The following LMO1 variants were observed in gnomAD, a reference collection of about 807,000 sequenced individuals.
LMO1 encodes the protein LIM domain only 1, also known as rhombotin-1.
LMO1 carries 10 observed loss-of-function variants against 18.0 expected under a neutral mutation model. The ratio of observed to expected loss-of-function variants is 0.55; its 90% CI spans 0.34 to 0.94. LMO1 has a LOEUF of 0.94. Ranked by LOEUF, LMO1 falls within the 40% of genes least tolerant of loss-of-function variation. The pLI is 0.02. For synonymous variants in LMO1, 77 were observed against 77.9 expected, an observed-to-expected ratio of 0.99 and a Z score of 0.06; for missense variants, 183 against 205.7, an observed-to-expected ratio of 0.89 and a Z score of 0.68.
chr11:8,258,437 G>A (rs7951970), intron 1 of LMO1, among the ~76,000 whole-genome samples: 7,270 of 152,232 alleles, frequency 0.048, 564 homozygotes, highest in African/African-American at 0.16. Context: ...AGCCCAGCCC[G>A]TCTAGCCATG....
Position 8,255,385 on chromosome 11 carries a change from T to C in LMO1, c.25+7953A>G, listed in dbSNP as rs749823150. On this transcript the variant is annotated intron_variant, in intron 1 of 3. Coordinates refer to ENST00000335790, the MANE Select transcript of LMO1 (RefSeq NM_002315.3). ...AGCTAGGCATGGTGATATGGACCTA[T>C]AGTCTCAGCTTGGGAGACTGAAGAG... Among the ~76,000 whole-genome samples, 125 of 152,318 alleles carry C rather than the reference T, an allele frequency of 8.2e-4. 2 individuals carry two copies. The highest frequency in any genetic ancestry group is 3.4e-3 in the Middle Eastern group (1 of 294).
intron 1 of LMO1, among the ~76,000 whole-genome samples, chr11:8,240,637 G>A (rs1023011104): frequency 5.3e-5 from 8 of 151,916 alleles, no homozygotes; most frequent in Admixed American, 1.3e-4. Context: ...GCATCCTCAC[G>A]TGGCAGAAGG....
chr11:8,232,886 A>G (rs204928), intron 1 of LMO1, among the ~76,000 whole-genome samples: 74,264 of 152,100 alleles, frequency 0.49, 18,381 homozygotes, highest in South Asian at 0.7. Flanking sequence ...GCTCTTGGAC[A>G]GGCTGGTCTT....
At chr11:8,230,833 A>T (rs1311562768) in intron 1 of LMO1, among the ~76,000 whole-genome samples, 1 of 152,188 alleles carries the variant, frequency 6.6e-6, no homozygotes, top group East Asian at 1.9e-4. Context: ...TCTCATCCGG[A>T]GTAAGCCTGA....
intron 1 of LMO1, among the ~76,000 whole-genome samples, chr11:8,231,284 C>G (rs1952653231): frequency 6.6e-6 from 1 of 152,202 alleles, no homozygotes; most frequent in African/African-American, 2.4e-5. Flanking sequence ...ACACAGGCAC[C>G]AAGTACAAAG....
At chr11:8,230,645 T>C in intron 1 of LMO1, 141 bp from the exon 2 acceptor site, 1 of 811,834 alleles carries the variant, frequency 1.2e-6, no homozygotes, top group Non-Finnish European at 2.0e-6. Flanking sequence ...CCTCGCTTTC[T>C]CCCCAATAAC....
intron 2 of LMO1, among the ~76,000 whole-genome samples, chr11:8,228,933 G>C (rs1952600312): frequency 6.6e-6 from 1 of 152,148 alleles, no homozygotes; most frequent in Non-Finnish European, 1.5e-5. Flanking sequence ...TGGCACCCAA[G>C]CTGGAGTACA....
chr11:8,245,854 T>C (rs1214013892), intron 1 of LMO1, among the ~76,000 whole-genome samples: 1 of 152,230 alleles, frequency 6.6e-6, no homozygotes, highest in Non-Finnish European at 1.5e-5. Flanking sequence ...CTGTAGGTTG[T>C]ACAAGCATGG....
In LMO1 at chr11:8,230,361, G is replaced by A. The variant is rs763199508; in HGVS notation, c.169C>T (p.Arg57Cys). Residue 57 changes from arginine to cysteine, a missense_variant, in exon 2 of 4, where the codon CGC becomes TGC. Coordinates refer to ENST00000335790, the MANE Select transcript of LMO1 (RefSeq NM_002315.3). ...AGGGTGGAGCCCACCTCGCCCAGGC[G>A]GCAGTCACAGCAGGCACACTTGAGG... Reference protein sequence around the residue: ...DCLKCACCDCRLGEVGSTLYT... With the variant: ...DCLKCACCDCCLGEVGSTLYT... The A allele has an allele frequency of 8.1e-6, 13 of 1,614,022 alleles. No homozygotes were observed. The highest frequency in any genetic ancestry group is 4.0e-5 in the African/African-American group (3 of 74,946).
intron 1 of LMO1, among the ~76,000 whole-genome samples, chr11:8,254,123 G>A (rs1847050579): frequency 6.6e-6 from 1 of 152,132 alleles, no homozygotes. Context: ...AAAAGTGGAA[G>A]GACTTAAGAA....
At chr11:8,256,926 C>T (rs761097056) in intron 1 of LMO1, among the ~76,000 whole-genome samples, 7 of 152,152 alleles carry the variant, frequency 4.6e-5, no homozygotes, top group Non-Finnish European at 5.9e-5. Context: ...ATGAGCACCA[C>T]AAGAAAGATA....
At chr11:8,235,202 CTT>C (rs1310778067) in intron 1 of LMO1, among the ~76,000 whole-genome samples, 2 of 152,206 alleles carry the variant, frequency 1.3e-5, no homozygotes, top group Non-Finnish European at 2.9e-5. Flanking sequence ...CTTTTTGTCT[CTT>C]GACATAATTT....
chr11:8,238,443 A>G (rs1370241918), intron 1 of LMO1, among the ~76,000 whole-genome samples: 2 of 152,166 alleles, frequency 1.3e-5, no homozygotes, highest in African/African-American at 4.8e-5. Context: ...AGGCTGAGGT[A>G]GGCGGATCAT....
chr11:8,258,581 AT>A lies in LMO1; in HGVS notation c.25+4756del, dbSNP rs1449753417. On this transcript the variant is annotated intron_variant, in intron 1 of 3. Transcript: ENST00000335790. ...TCTGTTCCAAGGTTGAGAGACCAAA[AT>A]AGACCTCCTCTTGGTCCTGCCCACA... is the stretch of plus-strand genomic sequence containing the variant. 5.3e-5 allele frequency among the ~76,000 whole-genome samples: 8 copies of A among 152,298 alleles called. No individual in the cohort carries two copies. The East Asian group carries it at 9.7e-4, about 18-fold the overall frequency.
intron 1 of LMO1, among the ~76,000 whole-genome samples, chr11:8,259,454 G>C (rs1043421216): frequency 6.6e-6 from 1 of 152,198 alleles, no homozygotes; most frequent in African/African-American, 2.4e-5. Context: ...CTGCCGCTGG[G>C]GCTGGTCATG....
chr11:8,224,592 G>T lies in LMO1; in HGVS notation c.*24C>A. 4 of 1,463,762 alleles carry T rather than the reference G, an allele frequency of 2.7e-6. No homozygotes were observed. In the South Asian group the frequency reaches 3.6e-5, roughly 13 times the overall value. The allele number at this position is 1,463,762 out of a possible 1,614,324, so 90.7% of individuals were successfully genotyped here. A position where few individuals can be genotyped will look rare whatever the true frequency, so the allele number is the denominator to read the frequency against. On this transcript the variant is annotated 3_prime_UTR_variant, in exon 4 of 4. Transcript: ENST00000335790. ...GGGCAGGCGGGCAGATGGACAGACG[G>T]GCCTGGAGGCCAGGCGCCGGGCGTT...
rs564521870 is a variant in LMO1, at chr11:8,236,152, G to A, written c.26-5648C>T. Among the ~76,000 whole-genome samples the A allele has an allele frequency of 1.0e-3, 157 of 152,164 alleles. No individual in the cohort carries two copies. In the Middle Eastern group the frequency reaches 0.027, roughly 27 times the overall value. ...AGGGTGACAGCTCCAGGACCCTCTGGCTGCTCTGGAAAGAGCCCTGGAGGC... is the reference window on the plus strand; with the variant it reads ...AGGGTGACAGCTCCAGGACCCTCTGACTGCTCTGGAAAGAGCCCTGGAGGC... On this transcript the variant is annotated intron_variant, in intron 1 of 3. Transcript: ENST00000335790.
intron 1 of LMO1, among the ~76,000 whole-genome samples, chr11:8,255,377 T>C (rs1041638921): frequency 3.9e-5 from 6 of 152,172 alleles, no homozygotes. Context: ...CATGGTGATA[T>C]GGACCTATAG....
At position 8,227,116 on chromosome 11, in the gene LMO1, C is replaced by T. The variant is rs372394651; in HGVS notation, c.240-16G>A. The T allele has an allele frequency of 8.7e-6, 14 of 1,606,932 alleles. No individual in the cohort carries two copies. The highest frequency in any genetic ancestry group is 8.0e-5 in the African/African-American group (6 of 74,962). On this transcript the variant is annotated splice_polypyrimidine_tract_variant and intron_variant, in intron 2 of 3. Coordinates refer to ENST00000335790, the MANE Select transcript of LMO1 (RefSeq NM_002315.3). ...GCCAAAGAGCCTGCCGAGGGAAGGGCGCAGAGGACTCAGCAGCATTCTGGG... is the reference window on the plus strand; with the variant it reads ...GCCAAAGAGCCTGCCGAGGGAAGGGTGCAGAGGACTCAGCAGCATTCTGGG...
Sources: gnomAD v4.1 joint callset for allele counts (sites outside exome capture counted in the v4.1 genomes callset) on GRCh38, gnomAD v4.1.1 for gene constraint, MANE v1.5 for transcripts, NCBI Gene and HGNC (gene_info 2026-07-23, HGNC 2026-07-21) for gene names.